Variants in MGMT observed in about 807,000 individuals in gnomAD.
MGMT encodes methylated-DNA--protein-cysteine methyltransferase.
MGMT carries 14 observed loss-of-function variants against 15.9 expected under a neutral mutation model. The observed-to-expected ratio is 0.88, with a 90% CI of 0.58 to 1.37. The LOEUF is 1.37. Among genes scored for constraint, MGMT ranks in the 40% most tolerant of loss-of-function variants. MGMT has a pLI of 0.00. For missense variants in MGMT, 282 were observed against 268.1 expected (o/e 1.05, Z -0.36); for synonymous variants, 130 against 118.2 (o/e 1.10, Z -0.65).
At chr10:129,740,755 A>G (rs941006682) in intron 3 of MGMT, among the ~76,000 whole-genome samples, 3 of 152,146 alleles carry the variant, frequency 2.0e-5, no homozygotes, top group African/African-American at 7.2e-5. Context: ...GACCTTGGAT[A>G]GGCTGCCGTC....
At chr10:129,642,345 T>A (rs1847337225) in intron 2 of MGMT, among the ~76,000 whole-genome samples, 3 of 152,208 alleles carry the variant, frequency 2.0e-5, no homozygotes, top group Admixed American at 2.0e-4. Flanking sequence ...TTTATCTGCA[T>A]TTGGGAATAT....
intron 2 of MGMT, among the ~76,000 whole-genome samples, chr10:129,581,286 G>T (rs763662210): frequency 1.3e-5 from 2 of 152,088 alleles, no homozygotes; most frequent in Non-Finnish European, 2.9e-5. Flanking sequence ...GCGTGACTGG[G>T]CTGCTTACAG....
rs184539220 is a variant in MGMT, at chr10:129,561,874, A to G, written c.125+25497A>G. ...GAAGCACTGCACCCAGGACTTGTAA[A>G]TGATTTGTTGTTAAAGTTTTCTACT... On this transcript the variant is annotated intron_variant, in intron 2 of 4. Coordinates refer to ENST00000651593, the MANE Select transcript of MGMT (RefSeq NM_002412.5). Among the ~76,000 whole-genome samples, 19 of 152,318 alleles carry G rather than the reference A, an allele frequency of 1.2e-4. No homozygotes were observed. In the East Asian group the frequency reaches 3.7e-3, roughly 29 times the overall value.
At chr10:129,752,105 G>C (rs1464696365) in intron 3 of MGMT, among the ~76,000 whole-genome samples, 1 of 151,840 alleles carries the variant, frequency 6.6e-6, no homozygotes, top group African/African-American at 2.4e-5. Context: ...GAGGTGTTTA[G>C]GTCTCCACAT....
chr10:129,582,025 T>C (rs1846562202), intron 2 of MGMT, among the ~76,000 whole-genome samples: 1 of 152,214 alleles, frequency 6.6e-6, no homozygotes, highest in South Asian at 2.1e-4. Context: ...TGGGCCAGCC[T>C]CTGTGGGCGG....
intron 2 of MGMT, among the ~76,000 whole-genome samples, chr10:129,652,062 G>A (rs555705134): frequency 1.3e-5 from 2 of 152,188 alleles, no homozygotes; most frequent in South Asian, 4.1e-4. Flanking sequence ...AGCTGCTGTC[G>A]GAAGCCGGGG....
chr10:129,717,115 A>G (rs1449658257), intron 3 of MGMT, among the ~76,000 whole-genome samples: 2 of 152,298 alleles, frequency 1.3e-5, no homozygotes, highest in Middle Eastern at 3.4e-3. Context: ...GAATTTTTAT[A>G]TGGTTATGAG....
At chr10:129,644,329 A>G (rs2133092132) in intron 2 of MGMT, among the ~76,000 whole-genome samples, 1 of 152,356 alleles carries the variant, frequency 6.6e-6, no homozygotes, top group East Asian at 1.9e-4. Flanking sequence ...TGACAATGGC[A>G]GTACACTGCG....
At chr10:129,700,549 C>T (rs776602531) in intron 2 of MGMT, 2 of 152,110 alleles carry the variant, frequency 1.3e-5, no homozygotes, top group African/African-American at 4.8e-5. Flanking sequence ...CCTGCGCAGT[C>T]GGCTGTCAAC....
intron 2 of MGMT, among the ~76,000 whole-genome samples, chr10:129,562,379 T>TG (rs1481300940): frequency 6.6e-6 from 1 of 152,208 alleles, no homozygotes. Context: ...CTGATTACAG[T>TG]GGGCTGCCAT....
chr10:129,494,193 C>T (rs1845497577), intron 1 of MGMT, among the ~76,000 whole-genome samples: 2 of 152,164 alleles, frequency 1.3e-5, no homozygotes, highest in African/African-American at 4.8e-5. Context: ...CTTAGCCAGC[C>T]TCTTAGTTTC....
intron 2 of MGMT, among the ~76,000 whole-genome samples, chr10:129,544,677 C>T (rs891366659): frequency 6.6e-5 from 10 of 152,312 alleles, no homozygotes; most frequent in Admixed American, 2.0e-4. Flanking sequence ...CCCCTGCCCC[C>T]GGCCCCAGGC....
At chr10:129,686,247 A>G (rs970725940) in intron 2 of MGMT, among the ~76,000 whole-genome samples, 4 of 151,190 alleles carry the variant, frequency 2.6e-5, no homozygotes, top group African/African-American at 9.7e-5. Context: ...TTGCTAATAA[A>G]TTGAGTCAGG....
At chr10:129,497,887 C>A (rs753855014) in intron 1 of MGMT, among the ~76,000 whole-genome samples, 1 of 152,206 alleles carries the variant, frequency 6.6e-6, no homozygotes, top group Admixed American at 6.5e-5. Flanking sequence ...TTATCAGACA[C>A]GGGCTCTGGC....
chr10:129,600,272 G>C (rs1474198241), intron 2 of MGMT, among the ~76,000 whole-genome samples: 1 of 152,152 alleles, frequency 6.6e-6, no homozygotes, highest in African/African-American at 2.4e-5. Flanking sequence ...TCGTGGTTAG[G>C]GGTAGCTCTC....
At chr10:129,666,399 C>G (rs922089412) in intron 2 of MGMT, among the ~76,000 whole-genome samples, 5 of 152,150 alleles carry the variant, frequency 3.3e-5, no homozygotes, top group African/African-American at 1.2e-4. Flanking sequence ...ATTTTCCTAT[C>G]TAGGAATATG....
chr10:129,517,194 G>A (rs1235181572), intron 1 of MGMT, among the ~76,000 whole-genome samples: 1 of 152,236 alleles, frequency 6.6e-6, no homozygotes, highest in Non-Finnish European at 1.5e-5. Flanking sequence ...TCCGCCCATG[G>A]CTCCTGGACA....
At chr10:129,745,911 T>C (rs901079840) in intron 3 of MGMT, among the ~76,000 whole-genome samples, 1 of 152,164 alleles carries the variant, frequency 6.6e-6, no homozygotes, top group Non-Finnish European at 1.5e-5. Context: ...TATTTTCTCC[T>C]AGCTAGTAGT....
intron 2 of MGMT, among the ~76,000 whole-genome samples, chr10:129,601,454 G>C (rs867774276): frequency 6.6e-6 from 1 of 152,164 alleles, no homozygotes; most frequent in Admixed American, 6.5e-5. Flanking sequence ...ACCTTGGGTG[G>C]CTCACTGCTC....
Sources: gnomAD v4.1 joint callset for allele counts (sites outside exome capture counted in the v4.1 genomes callset) on GRCh38, gnomAD v4.1.1 for gene constraint, MANE v1.5 for transcripts, NCBI Gene and HGNC (gene_info 2026-07-23, HGNC 2026-07-21) for gene names.